PCDH7: variants seen among roughly 807,000 people sequenced by gnomAD.
PCDH7 encodes the protein protocadherin-7.
Under a neutral mutation model 58.9 loss-of-function variants are expected in PCDH7, and 17 were observed. That is an observed-to-expected ratio of 0.29 (90% CI 0.20 to 0.43). The LOEUF is 0.43. Among genes scored for constraint, PCDH7 ranks in the 20% least tolerant of loss-of-function variants. PCDH7 has a pLI of 1.00. For synonymous variants in PCDH7, 664 were observed against 616.4 expected (o/e 1.08, Z -1.14); for missense variants, 1,274 against 1,441.0 (o/e 0.88, Z 1.88).
At chr4:30,901,374 G>C (rs1167143661) in intron 1 of PCDH7, among the ~76,000 whole-genome samples, 1 of 152,068 alleles carries the variant, frequency 6.6e-6, no homozygotes, top group African/African-American at 2.4e-5. Context: ...GACATCCCTA[G>C]CAGCCAAGGC....
rs990033990 is a variant in PCDH7 at position 30,722,714 on chromosome 4, A to T, written c.1292A>T (p.Asn431Ile). The T allele has an allele frequency of 6.2e-7, 1 of 1,613,454 alleles. No homozygotes were observed. The highest frequency in any genetic ancestry group is 1.3e-5 in the African/African-American group (1 of 74,948). ...ATCCCCCTCAAGGACGGGGTGGCCA[A>T]CGTGGCCGAGGACGTTCTGGTCGAC... is the stretch of plus-strand genomic sequence containing the variant. The change falls in exon 1 of 2, where the codon AAC becomes ATC. Residue 431 changes from asparagine (N) to isoleucine (I), a missense_variant. Physicochemically the swap from Asn to Ile is moderately radical, Grantham distance 149 (BLOSUM62 -3). This residue lies in a region of PCDH7 where 731 missense variants were observed against 881.9 expected (regional missense o/e 0.83). Transcript: ENST00000361762. The surrounding 1 kb of genome is among the most constrained non-coding windows in gnomAD (Gnocchi z 7.6).
At chr4:30,758,945 T>C (rs1350125668) in intron 1 of PCDH7, among the ~76,000 whole-genome samples, 2 of 148,844 alleles carry the variant, frequency 1.3e-5, no homozygotes, top group South Asian at 2.2e-4. Flanking sequence ...GAAGTGTTTT[T>C]TTTTTTTTTT....
intron 1 of PCDH7, among the ~76,000 whole-genome samples, chr4:30,913,346 A>G (rs1366069012): frequency 6.6e-6 from 1 of 152,170 alleles, no homozygotes; most frequent in Non-Finnish European, 1.5e-5. Context: ...AAAATAAAAA[A>G]TAAAGAAGTT....
intron 3 of PCDH7, among the ~76,000 whole-genome samples, chr4:31,024,369 GTTACTAT>G (rs1448499328): frequency 2.6e-5 from 4 of 152,008 alleles, no homozygotes; most frequent in African/African-American, 9.7e-5. Context: ...AAAATTACAG[GTTACTAT>G]TCAATGTTCC....
In PCDH7 at chr4:30,889,267, G is replaced by A. The variant is rs73108231; in HGVS notation, c.71-30886G>A. 2.6e-3 allele frequency among the ~76,000 whole-genome samples: 388 copies of A among 151,522 alleles called. 3 individuals carry two copies. The highest frequency in any genetic ancestry group is 8.9e-3 in the African/African-American group (366 of 41,316). On this transcript the variant is annotated intron_variant, in intron 1 of 3. Coordinates refer to the PCDH7 transcript ENST00000509759. ...TAAGCATTTATGACGTAGTTTGAAA[G>A]TAACTGCAGGCAGTTAACTATGGTT...
In PCDH7 at chr4:31,003,267, G is replaced by A. The variant is rs995045470; in HGVS notation, c.*7+53052G>A. Among the ~76,000 whole-genome samples, 6 of 151,794 alleles carry A rather than the reference G, an allele frequency of 4.0e-5. 1 individual carries two copies. The highest frequency in any genetic ancestry group is 1.2e-4 in the African/African-American group (5 of 41,290). On this transcript the variant is annotated intron_variant, in intron 3 of 3. Coordinates refer to the PCDH7 transcript ENST00000509759. ...TTGTCATTATCTTGACAATGAATAT[G>A]TACAAAGTGAATCTTAAGTAGTAGC...
intron 1 of PCDH7, among the ~76,000 whole-genome samples, chr4:30,868,541 C>T (rs1735158169): frequency 1.3e-5 from 2 of 151,896 alleles, no homozygotes; most frequent in Non-Finnish European, 1.5e-5. Context: ...TTTGTAATGG[C>T]AATTCCTTGT....
At chr4:30,745,269 G>A (rs1029159588) in intron 1 of PCDH7, among the ~76,000 whole-genome samples, 3 of 150,920 alleles carry the variant, frequency 2.0e-5, no homozygotes, top group Non-Finnish European at 4.4e-5. Flanking sequence ...TTATGAATTG[G>A]TTGTAGAGGG....
intron 1 of PCDH7, among the ~76,000 whole-genome samples, chr4:30,763,687 T>G (rs574990354): frequency 6.6e-6 from 1 of 152,198 alleles, no homozygotes; most frequent in African/African-American, 2.4e-5. Flanking sequence ...CAAATCCCTT[T>G]TCATTAATGA....
intron 3 of PCDH7, among the ~76,000 whole-genome samples, chr4:31,106,888 T>A (rs1016320492): frequency 1.3e-5 from 2 of 152,222 alleles, no homozygotes; most frequent in African/African-American, 4.8e-5. Context: ...TAGATTTTGA[T>A]GTTTAATAAA....
At chr4:31,028,205 A>C (rs1449447908) in intron 3 of PCDH7, among the ~76,000 whole-genome samples, 1 of 152,154 alleles carries the variant, frequency 6.6e-6, no homozygotes, top group Non-Finnish European at 1.5e-5. Context: ...AAGTTATATG[A>C]TATGCAGTGT....
chr4:30,744,078 T>C (rs1717440381), intron 1 of PCDH7, among the ~76,000 whole-genome samples: 1 of 152,158 alleles, frequency 6.6e-6, no homozygotes, highest in African/African-American at 2.4e-5. Flanking sequence ...CTCTTTTCTT[T>C]CCTCAGTGGC....
intron 3 of PCDH7, among the ~76,000 whole-genome samples, chr4:31,081,358 A>G (rs1247868496): frequency 6.6e-6 from 1 of 152,202 alleles, no homozygotes; most frequent in African/African-American, 2.4e-5. Context: ...ATTTTATACT[A>G]CTTAGTTTTT....
chr4:30,828,101 A>G (rs1018312520), intron 1 of PCDH7, among the ~76,000 whole-genome samples: 1 of 152,128 alleles, frequency 6.6e-6, no homozygotes, highest in African/African-American at 2.4e-5. Context: ...GCTGTGCATT[A>G]TCATAAGCAC....
At chr4:31,056,871 C>T (rs1466594204) in intron 3 of PCDH7, among the ~76,000 whole-genome samples, 1 of 152,160 alleles carries the variant, frequency 6.6e-6, no homozygotes, top group Non-Finnish European at 1.5e-5. Flanking sequence ...TGAGCCACCA[C>T]ACCCAGCCAA....
downstream of PCDH7, among the ~76,000 whole-genome samples, chr4:30,735,606 T>C (rs1484371609): frequency 6.6e-6 from 1 of 152,120 alleles, no homozygotes; most frequent in East Asian, 1.9e-4. Flanking sequence ...CTCACAGAGA[T>C]CAATAGTCCT....
intron 3 of PCDH7, among the ~76,000 whole-genome samples, chr4:31,098,639 T>C (rs1714489734): frequency 6.6e-6 from 1 of 152,178 alleles, no homozygotes; most frequent in South Asian, 2.1e-4. Flanking sequence ...CAGATTGTAT[T>C]ATAAACACAC....
At position 31,086,146 on chromosome 4, in the gene PCDH7, A is replaced by G. The variant is rs578008923; in HGVS notation, c.*8-56327A>G. Among the ~76,000 whole-genome samples, 23 of 152,310 alleles carry G rather than the reference A, an allele frequency of 1.5e-4. No individual in the cohort carries two copies. In the East Asian group the frequency reaches 3.1e-3, roughly 20 times the overall value. On this transcript the variant is annotated intron_variant, in intron 3 of 3. Coordinates refer to the PCDH7 transcript ENST00000509759. The stretch of plus-strand genomic sequence containing the variant: ...AACCTTTGTAGAGGCTTATTAGGTG[A>G]GGAAGAAAAATAAGATTTGAGTTCC...
In PCDH7 at chr4:30,823,164, A is replaced by T. The variant is rs574640211; in HGVS notation, c.71-96989A>T. Among the ~76,000 whole-genome samples, 6 of 152,290 alleles carry T rather than the reference A, an allele frequency of 3.9e-5. No homozygotes were observed. The South Asian group carries it at 1.2e-3, about 32-fold the overall frequency. ...GGCACCCTTTTGCTTCGCAGGGTTGATAACATGGTTGGCTTAACAACTTTC... is the reference window on the plus strand; with the variant it reads ...GGCACCCTTTTGCTTCGCAGGGTTGTTAACATGGTTGGCTTAACAACTTTC... On this transcript the variant is annotated intron_variant, in intron 1 of 3. Transcript: ENST00000509759.
Sources: allele counts gnomAD v4.1 joint callset (sites outside exome capture counted in the v4.1 genomes callset), GRCh38; gene constraint gnomAD v4.1.1; regional missense constraint gnomAD v4.1.1; non-coding constraint Gnocchi (gnomAD v3.1); transcripts MANE v1.5; gene names NCBI Gene and HGNC (gene_info 2026-07-23, HGNC 2026-07-21).